The following IGSF21 variants were observed in gnomAD, a reference collection of about 807,000 sequenced individuals.
IGSF21 encodes immunoglobulin superfamily member 21.
Under a neutral mutation model 46.8 loss-of-function variants are expected in IGSF21, and 28 were observed. The ratio of observed to expected loss-of-function variants is 0.60; its 90% confidence interval spans 0.44 to 0.82. IGSF21 has a LOEUF of 0.82. Ranked by LOEUF, IGSF21 falls within the 40% of genes least tolerant of loss-of-function variation. The pLI, the probability that IGSF21 is intolerant of heterozygous loss-of-function variation, is 0.00. For synonymous variants in IGSF21, 284 were observed against 273.6 expected (o/e 1.04, Z -0.38); for missense variants, 624 against 665.5 (o/e 0.94, Z 0.69).
At chr1:18,250,021 G>T (rs1459017534) in intron 2 of IGSF21, among the ~76,000 whole-genome samples, 2 of 151,076 alleles carry the variant, frequency 1.3e-5, no homozygotes, top group Non-Finnish European at 2.9e-5. Context: ...TGCCCAACAT[G>T]GTCTCTGTGT....
At chr1:18,225,267 G>A (rs55962899) in intron 1 of IGSF21, among the ~76,000 whole-genome samples, 14,342 of 151,802 alleles carry the variant, frequency 0.094, 861 homozygotes, top group East Asian at 0.14. Context: ...GACTGAGTGC[G>A]TATGCAGTGG....
intron 1 of IGSF21, among the ~76,000 whole-genome samples, chr1:18,205,938 AC>A (rs1290247400): frequency 2.0e-5 from 3 of 152,212 alleles, no homozygotes; most frequent in Non-Finnish European, 4.4e-5. Flanking sequence ...CACTATGCCT[AC>A]CTCATCATAG....
intron 2 of IGSF21, among the ~76,000 whole-genome samples, chr1:18,272,375 ACAT>A (rs1439693605): frequency 6.6e-6 from 1 of 152,188 alleles, no homozygotes; most frequent in Non-Finnish European, 1.5e-5. Flanking sequence ...CTTCCTGGCT[ACAT>A]GATCTTGGGC....
At chr1:18,243,747 C>G (rs1394924745) in intron 2 of IGSF21, among the ~76,000 whole-genome samples, 2 of 152,216 alleles carry the variant, frequency 1.3e-5, no homozygotes, top group African/African-American at 4.8e-5. Context: ...CCCACACCTC[C>G]AGATCCACGA....
At chr1:18,298,453 G>A (rs1046968307) in intron 3 of IGSF21, among the ~76,000 whole-genome samples, 5 of 152,174 alleles carry the variant, frequency 3.3e-5, no homozygotes, top group African/African-American at 7.2e-5. Flanking sequence ...GAATCACAGC[G>A]AGGCTTCAAC....
intron 1 of IGSF21, among the ~76,000 whole-genome samples, chr1:18,177,885 G>A (rs2086818210): frequency 6.6e-6 from 1 of 152,114 alleles, no homozygotes; most frequent in African/African-American, 2.4e-5. Context: ...TCTCCTAGGG[G>A]GTGGATGAAG....
intron 1 of IGSF21, among the ~76,000 whole-genome samples, chr1:18,147,217 C>A (rs1357569911): frequency 6.6e-6 from 1 of 152,164 alleles, no homozygotes; most frequent in Non-Finnish European, 1.5e-5. Context: ...CGGGCTTGAA[C>A]CCCTCCAAGG....
intron 1 of IGSF21, among the ~76,000 whole-genome samples, chr1:18,182,687 A>G (rs1287885328): frequency 6.6e-6 from 1 of 152,234 alleles, no homozygotes; most frequent in Non-Finnish European, 1.5e-5. Flanking sequence ...TGAATGAATG[A>G]AACATGAAAC....
chr1:18,231,649 A>C (rs1281753190), intron 2 of IGSF21, among the ~76,000 whole-genome samples: 1 of 152,198 alleles, frequency 6.6e-6, no homozygotes, highest in African/African-American at 2.4e-5. Context: ...CCTCAGTCAG[A>C]CTAGCCACAT....
chr1:18,260,027 G>T (rs547366015), intron 2 of IGSF21, among the ~76,000 whole-genome samples: 22 of 152,186 alleles, frequency 1.4e-4, no homozygotes, highest in Non-Finnish European at 2.8e-4. Flanking sequence ...TCTTGAATGG[G>T]TATAAAAACA....
intron 1 of IGSF21, among the ~76,000 whole-genome samples, chr1:18,195,398 T>C (rs2086997347): frequency 1.3e-5 from 2 of 152,090 alleles, no homozygotes; most frequent in African/African-American, 4.8e-5. Context: ...GACAGGTCAG[T>C]TGAAATGAAG....
chr1:18,239,424 T>A (rs1451676233), intron 2 of IGSF21, among the ~76,000 whole-genome samples: 1 of 152,126 alleles, frequency 6.6e-6, no homozygotes, highest in African/African-American at 2.4e-5. Flanking sequence ...CTAAAACACA[T>A]ATCTGACCTT....
At position 18,109,080 on chromosome 1, in the gene IGSF21, G is replaced by A. The variant is rs1332113536; in HGVS notation, c.70+882G>A. Among the ~76,000 whole-genome samples the A allele has an allele frequency of 6.6e-6, 1 of 151,778 alleles. No individual in the cohort carries two copies. Among genetic ancestry groups the A allele is most frequent in the East Asian group, 2.0e-4 (1 of 5,126 alleles). The stretch of plus-strand genomic sequence containing the variant: ...CTAGAAGGAGGTTGAAGCCGAGCGG[G>A]TTCTCCGGAGCCAGTGAGAGGTGGC... On this transcript the variant is annotated intron_variant, in intron 1 of 9. Coordinates refer to ENST00000251296, the MANE Select transcript of IGSF21 (RefSeq NM_032880.5). The surrounding 1 kb of genome is among the most constrained non-coding windows in gnomAD (Gnocchi z 4.8).
At chr1:18,271,298 C>T (rs1422867997) in intron 2 of IGSF21, among the ~76,000 whole-genome samples, 1 of 152,152 alleles carries the variant, frequency 6.6e-6, no homozygotes, top group Non-Finnish European at 1.5e-5. Flanking sequence ...CCCATTAATG[C>T]TGCCTCTGCT....
intron 2 of IGSF21, among the ~76,000 whole-genome samples, chr1:18,232,030 C>G (rs1472923575): frequency 1.3e-5 from 2 of 150,520 alleles, no homozygotes; most frequent in African/African-American, 4.9e-5. Flanking sequence ...ATAAAGATGT[C>G]AAGAGAGTTG....
At chr1:18,294,725 A>C (rs1049217421) in intron 3 of IGSF21, among the ~76,000 whole-genome samples, 3 of 152,180 alleles carry the variant, frequency 2.0e-5, no homozygotes, top group Non-Finnish European at 4.4e-5. Context: ...AGCAAAGAAC[A>C]CCCCAGGGAG....
Position 18,334,089 on chromosome 1 carries a change from C to A in IGSF21, c.306-803C>A, listed in dbSNP as rs1203061149. On this transcript the variant is annotated intron_variant, in intron 3 of 9. Coordinates refer to ENST00000251296, the MANE Select transcript of IGSF21 (RefSeq NM_032880.5). This position sits in a 1 kb window ranked among gnomAD's most constrained non-coding sequence, Gnocchi z 4.3. ...CAAGAAAGCCTAAAATATTTACTCT[C>A]TGGACTTTTAGGAGAAAAGACTGAA... is the stretch of plus-strand genomic sequence containing the variant. 6.6e-6 allele frequency among the ~76,000 whole-genome samples: 1 copy of A among 152,222 alleles called. No individual in the cohort carries two copies. Among genetic ancestry groups the A allele is most frequent in the Admixed American group, 6.5e-5 (1 of 15,280 alleles).
intron 2 of IGSF21, among the ~76,000 whole-genome samples, chr1:18,258,981 T>A (rs1452245478): frequency 6.6e-6 from 1 of 152,194 alleles, no homozygotes; most frequent in Non-Finnish European, 1.5e-5. Context: ...AGCCCTTTTT[T>A]CCCTCTCTCT....
At chr1:18,303,991 G>C (rs2085387065) in intron 3 of IGSF21, among the ~76,000 whole-genome samples, 2 of 152,332 alleles carry the variant, frequency 1.3e-5, no homozygotes, top group South Asian at 4.1e-4. Flanking sequence ...GTTTTACACT[G>C]CCAAATGATG....
Sources: gnomAD v4.1 joint callset for allele counts (sites outside exome capture counted in the v4.1 genomes callset) on GRCh38, gnomAD v4.1.1 for gene constraint, Gnocchi (gnomAD v3.1) non-coding constraint, MANE v1.5 for transcripts, NCBI Gene and HGNC (gene_info 2026-07-23, HGNC 2026-07-21) for gene names.